AFF2: variants seen among roughly 807,000 people sequenced by gnomAD.
AFF2 encodes the protein ALF transcription elongation factor 2.
In AFF2, 14 loss-of-function variants were observed where a neutral mutation model predicts 76.9. That is an observed-to-expected ratio of 0.18 (90% CI 0.12 to 0.28). The LOEUF is 0.28. Ranked by LOEUF, AFF2 falls within the 10% of genes least tolerant of loss-of-function variation. AFF2 has a pLI of 1.00. For synonymous variants in AFF2, 398 were observed against 366.7 expected, an observed-to-expected ratio of 1.09 and a Z score of -0.98; for missense variants, 868 against 1,001.1, an observed-to-expected ratio of 0.87 and a Z score of 1.79.
chrX:148,860,786 A>C (rs186639033), intron 7 of AFF2, among the ~76,000 whole-genome samples: 1 of 111,741 alleles, frequency 8.9e-6, no homozygotes, highest in East Asian at 2.8e-4. Context: ...AGGGGAAGTC[A>C]CTTTTTTTCT....
intron 3 of AFF2, among the ~76,000 whole-genome samples, chrX:148,668,815 A>T (rs985567319): frequency 2.7e-5 from 3 of 112,020 alleles, no homozygotes; most frequent in Non-Finnish European, 5.6e-5. Flanking sequence ...CCCTGGAGAC[A>T]TTTTCCCTAT....
chrX:148,802,309 A>G (rs1476680717), intron 3 of AFF2, among the ~76,000 whole-genome samples: 3 of 111,970 alleles, frequency 2.7e-5, no homozygotes, highest in Non-Finnish European at 5.6e-5. Flanking sequence ...AAGTAAGATA[A>G]TGATGTGTGT....
At chrX:148,545,895 G>C (rs188660819) in intron 1 of AFF2, among the ~76,000 whole-genome samples, 3 of 111,526 alleles carry the variant, frequency 2.7e-5, no homozygotes, top group Non-Finnish European at 5.6e-5. Context: ...CGTGATTAAT[G>C]TGTTGATTAA....
At chrX:148,987,235 G>A in intron 19 of AFF2, 132 bp from the exon 20 acceptor site, 2 of 558,854 alleles carry the variant, frequency 3.6e-6, no homozygotes, top group Non-Finnish European at 5.9e-6. Flanking sequence ...GGCTTCACAT[G>A]TGTACGCTAT....
chrX:148,527,544 A>C (rs2052677437), intron 1 of AFF2, among the ~76,000 whole-genome samples: 1 of 111,593 alleles, frequency 9.0e-6, no homozygotes, highest in African/African-American at 3.3e-5. Flanking sequence ...TGATTTTGAT[A>C]ATCATATTGT....
At chrX:148,573,793 G>A (rs2053256545) in intron 1 of AFF2, among the ~76,000 whole-genome samples, 1 of 111,417 alleles carries the variant, frequency 9.0e-6, no homozygotes, top group South Asian at 3.7e-4. Flanking sequence ...CTAAAAGATA[G>A]AACAAATGGA....
At chrX:148,781,839 G>A (rs1230443390) in intron 3 of AFF2, among the ~76,000 whole-genome samples, 2 of 111,860 alleles carry the variant, frequency 1.8e-5, no homozygotes, top group African/African-American at 3.3e-5. Flanking sequence ...GTAGGCACCC[G>A]AGGGAATCTC....
At chrX:148,658,100 G>C (rs1252174107) in intron 2 of AFF2, among the ~76,000 whole-genome samples, 5 of 111,837 alleles carry the variant, frequency 4.5e-5, no homozygotes, top group Non-Finnish European at 9.4e-5. Flanking sequence ...ACCTGGACTG[G>C]ACTACTAATT....
At chrX:148,635,525 G>T (rs782689010) in intron 1 of AFF2, among the ~76,000 whole-genome samples, 116 of 111,957 alleles carry the variant, frequency 1.0e-3, no homozygotes, top group African/African-American at 3.7e-3. Flanking sequence ...GTAGTAATTT[G>T]TTACTATGAA....
At chrX:148,979,497 G>A (rs1166760790) in intron 18 of AFF2, among the ~76,000 whole-genome samples, 1 of 111,901 alleles carries the variant, frequency 8.9e-6, no homozygotes, top group Non-Finnish European at 1.9e-5. Flanking sequence ...GTGGGCATCA[G>A]AATCCCCCAG....
At chrX:148,810,295 G>A (rs1421470676) in intron 4 of AFF2, among the ~76,000 whole-genome samples, 2 of 111,836 alleles carry the variant, frequency 1.8e-5, no homozygotes, top group Non-Finnish European at 3.8e-5. Context: ...CATGGTTACC[G>A]AGATTGATTG....
chrX:148,561,198 A>G (rs1472556626), intron 1 of AFF2, among the ~76,000 whole-genome samples: 1 of 112,362 alleles, frequency 8.9e-6, no homozygotes, highest in African/African-American at 3.2e-5. Flanking sequence ...AATGAACATA[A>G]CATTTGAGAT....
intron 4 of AFF2, chrX:148,822,108 C>T (rs184423768): frequency 3.6e-5 from 4 of 111,909 alleles, no homozygotes; most frequent in Non-Finnish European, 5.6e-5. Flanking sequence ...TTTCTTATTT[C>T]TCCAAATGAT....
rs1475861038 is a variant in AFF2 at position 148,998,539 on chromosome X, T to C, written c.*7207T>C. 2 of 112,179 alleles carry C rather than the reference T, an allele frequency of 1.8e-5. No individual in the cohort carries two copies. The highest frequency in any genetic ancestry group is 6.5e-5 in the African/African-American group (2 of 30,746). The allele number at this position is 112,179 out of a possible 1,213,427, so 9.2% of individuals were successfully genotyped here. On this transcript the variant is annotated 3_prime_UTR_variant, in exon 21 of 21. Transcript: ENST00000370460. ...TCATTTGTCCAATTGTATAACTTTG[T>C]GGAGCAGTGTTTTGACCTTTGATAC... is the stretch of plus-strand genomic sequence containing the variant.
intron 1 of AFF2, among the ~76,000 whole-genome samples, chrX:148,560,348 G>C (rs1049937036): frequency 9.0e-6 from 1 of 111,306 alleles, no homozygotes; most frequent in Non-Finnish European, 1.9e-5. Context: ...AACTGAAACT[G>C]GACCCCTTCC....
intron 4 of AFF2, among the ~76,000 whole-genome samples, chrX:148,821,903 G>C (rs1047539598): frequency 9.0e-6 from 1 of 111,564 alleles, no homozygotes; most frequent in African/African-American, 3.3e-5. Flanking sequence ...AAAGTGCATA[G>C]ATTAGATGTA....
At chrX:148,668,606 A>G (rs894976559) in intron 3 of AFF2, among the ~76,000 whole-genome samples, 16 of 112,581 alleles carry the variant, frequency 1.4e-4, no homozygotes, top group African/African-American at 5.2e-4. Context: ...GGAAGCTGCC[A>G]AGATGTTGGG....
intron 3 of AFF2, among the ~76,000 whole-genome samples, chrX:148,696,272 G>A (rs1557261259): frequency 9.2e-6 from 1 of 108,280 alleles, no homozygotes. Flanking sequence ...ACACAGGAAG[G>A]GGAGCATCAC....
At chrX:148,817,782 G>A (rs1463110472) in intron 4 of AFF2, among the ~76,000 whole-genome samples, 4 of 111,109 alleles carry the variant, frequency 3.6e-5, no homozygotes, top group Non-Finnish European at 7.6e-5. Context: ...TCACCAAGTG[G>A]GTTTTATTCC....
Sources: gnomAD v4.1 joint callset for allele counts (sites outside exome capture counted in the v4.1 genomes callset) on GRCh38, gnomAD v4.1.1 for gene constraint, MANE v1.5 for transcripts, NCBI Gene and HGNC (gene_info 2026-07-23, HGNC 2026-07-21) for gene names.